The following CCNG2 variants were observed in gnomAD, a reference collection of about 807,000 sequenced individuals.
The protein encoded by CCNG2 is cyclin G2.
Under a neutral mutation model 36.5 loss-of-function variants are expected in CCNG2, and 20 were observed. That is an observed-to-expected ratio of 0.55 (90% confidence interval 0.39 to 0.80). CCNG2 has a LOEUF of 0.80. Ranked by LOEUF, CCNG2 falls within the 30% of genes least tolerant of loss-of-function variation. The probability of loss-of-function intolerance (pLI) is 0.00; values close to 1 mark genes in which losing one functional copy is unlikely to be tolerated. For synonymous variants in CCNG2, 155 were observed against 140.1 expected, an observed-to-expected ratio of 1.11 and a Z score of -0.75; for missense variants, 358 against 390.8, an observed-to-expected ratio of 0.92 and a Z score of 0.71.
intron 6 of CCNG2, 95 bp downstream of exon 6, chr4:77,161,842 C>T (rs1317336134): frequency 1.9e-5 from 14 of 725,854 alleles, no homozygotes; most frequent in Non-Finnish European, 2.7e-5. Flanking sequence ...TTATGGGACT[C>T]TTAACTTTTA....
chr4:77,158,815 A>G (rs1040080118), intron 2 of CCNG2, 145 bp downstream of exon 2: 5 of 761,118 alleles, frequency 6.6e-6, no homozygotes, highest in South Asian at 1.9e-5. Context: ...ACCTTATTAC[A>G]GGTTAATGCT....
rs568078071 is a variant in CCNG2 at position 77,164,539 on chromosome 4, A to G, written c.911+60A>G. ...GACTAAATATTACTGAGTTTATTATACTCAGAACTGGAATAGTGTAAGACA... is the reference window on the plus strand; with the variant it reads ...GACTAAATATTACTGAGTTTATTATGCTCAGAACTGGAATAGTGTAAGACA... On this transcript the variant is annotated intron_variant, in intron 7 of 7. Coordinates refer to ENST00000316355, the MANE Select transcript of CCNG2 (RefSeq NM_004354.3). 12 of 1,255,466 alleles carry G rather than the reference A, an allele frequency of 9.6e-6. No individual in the cohort carries two copies. The South Asian group carries it at 1.3e-4, about 13-fold the overall frequency. The allele number at this position is 1,255,466 out of a possible 1,614,324, so 77.8% of individuals were successfully genotyped here.
intron 1 of CCNG2, 53 bp from the exon 2 acceptor site, chr4:77,158,480 C>A (rs955114846): frequency 2.5e-6 from 4 of 1,599,436 alleles, no homozygotes; most frequent in Non-Finnish European, 3.4e-6. Context: ...TCTCCCGCTT[C>A]CCCACCCCTC....
rs535933836 is a variant in CCNG2 at position 77,158,781 on chromosome 4, G to A, written c.138+111G>A. The A allele has an allele frequency of 2.6e-5, 29 of 1,108,798 alleles. No individual in the cohort carries two copies. The South Asian group carries it at 4.4e-4, about 17-fold the overall frequency. The allele number at this position is 1,108,798 out of a possible 1,614,324, so 68.7% of individuals were successfully genotyped here. On this transcript the variant is annotated intron_variant, in intron 2 of 7. Transcript: ENST00000316355. ...AAGCCTGCAAAATTTCTTAAAAGTT[G>A]TTCTTTCTGGAGTACCAAGATAAAC... is the stretch of plus-strand genomic sequence containing the variant.
In CCNG2 at chr4:77,165,969, CAAT is replaced by C. The variant is rs754248830; in HGVS notation, c.*48_*50del. The C allele has an allele frequency of 1.9e-6, 3 of 1,553,402 alleles. No homozygotes were observed. In the African/African-American group the frequency reaches 4.1e-5, roughly 21 times the overall value. On this transcript the variant is annotated 3_prime_UTR_variant, in exon 8 of 8. Transcript: ENST00000316355. ...GAATTTATATTTACAGGTTTCAAAG[CAAT>C]AAATGGGGGAATAGGTAGTTTCCTG...
intron 4 of CCNG2, 128 bp downstream of exon 4, chr4:77,161,099 CT>C (rs34505988): frequency 0.089 from 27,246 of 304,436 alleles, 3 homozygotes; most frequent in South Asian, 0.13. Context: ...ATTGGTAAAT[CT>C]TTTTTTTTTT....
rs1406290238 is a variant in CCNG2, at chr4:77,167,487, A to T, written c.*1563A>T. The T allele has an allele frequency of 2.0e-5, 3 of 152,236 alleles. No individual in the cohort carries two copies. The highest frequency in any genetic ancestry group is 4.4e-5 in the Non-Finnish European group (3 of 68,042). The allele number at this position is 152,236 out of a possible 1,614,324, so 9.4% of individuals were successfully genotyped here. ...TTTCAGTGAGAGGCAACAGGTATTA[A>T]GTAGAACAGAATGCTCAGGTTGGCA... On this transcript the variant is annotated 3_prime_UTR_variant, in exon 8 of 8. Transcript: ENST00000316355.
At chr4:77,158,311 C>T in intron 1 of CCNG2, 1 of 559,424 alleles carries the variant, frequency 1.8e-6, no homozygotes, top group East Asian at 3.0e-5. Context: ...TTACCCAGCG[C>T]TGGCCGGCGG....
intron 6 of CCNG2, 80 bp downstream of exon 6, chr4:77,161,827 A>G (rs538054075): frequency 2.5e-6 from 2 of 813,324 alleles, no homozygotes; most frequent in East Asian, 4.9e-5. Context: ...ACATTAAGTA[A>G]TACTTTATGG....
chr4:77,162,692 G>T (rs1046156739), intron 6 of CCNG2, among the ~76,000 whole-genome samples: 2 of 151,816 alleles, frequency 1.3e-5, no homozygotes, highest in Non-Finnish European at 2.9e-5. Flanking sequence ...CTTACTTTGG[G>T]TTTTTTTTAA....
chr4:77,158,470 T>C (rs974968820), intron 1 of CCNG2, 63 bp from the exon 2 acceptor site: 2 of 1,571,348 alleles, frequency 1.3e-6, no homozygotes, highest in African/African-American at 1.3e-5. Flanking sequence ...CTCAGCCCTT[T>C]CTCCCGCTTC....
chr4:77,158,416 C>T (rs1731332831), intron 1 of CCNG2, 117 bp from the exon 2 acceptor site: 2 of 984,532 alleles, frequency 2.0e-6, no homozygotes, highest in South Asian at 2.9e-5. Context: ...TTCACCCGCT[C>T]CTTGTCGGGG....
chr4:77,158,474 C>T lies in CCNG2; in HGVS notation c.1-59C>T, dbSNP rs541668747. 2.0e-5 allele frequency: 31 copies of T among 1,589,496 alleles called. 1 individual carries two copies. The African/African-American group carries it at 3.8e-4, about 19-fold the overall frequency. ...GAGGTACTGGCCTCAGCCCTTTCTC[C>T]CGCTTCCCCACCCCTCTTACCCCCA... is the stretch of plus-strand genomic sequence containing the variant. On this transcript the variant is annotated intron_variant, in intron 1 of 7. Coordinates refer to ENST00000316355, the MANE Select transcript of CCNG2 (RefSeq NM_004354.3).
At chr4:77,161,430 C>G in intron 4 of CCNG2, 50 bp from the exon 5 acceptor site, 1 of 1,283,810 alleles carries the variant, frequency 7.8e-7, no homozygotes, top group Non-Finnish European at 1.1e-6. Flanking sequence ...CATTTAAAAT[C>G]ATTTAAATCT....
intron 6 of CCNG2, among the ~76,000 whole-genome samples, chr4:77,162,753 G>T (rs568629233): frequency 1.3e-5 from 2 of 152,174 alleles, no homozygotes; most frequent in African/African-American, 4.8e-5. Context: ...GAGCCTGTTT[G>T]GAGCAAAAGA....
At chr4:77,165,505 C>T (rs1731605087) in intron 7 of CCNG2, among the ~76,000 whole-genome samples, 1 of 150,992 alleles carries the variant, frequency 6.6e-6, no homozygotes, top group Admixed American at 6.6e-5. Flanking sequence ...TGGGATTTTG[C>T]CATGTTGCCC....
intron 4 of CCNG2, 123 bp from the exon 5 acceptor site, chr4:77,161,357 C>T (rs4150069): frequency 1.4e-6 from 1 of 701,772 alleles, no homozygotes. Flanking sequence ...CTGCTTCTGC[C>T]TTCCAAAGTG....
intron 3 of CCNG2, among the ~76,000 whole-genome samples, chr4:77,159,950 C>T (rs1486155212): frequency 1.3e-5 from 2 of 152,150 alleles, no homozygotes; most frequent in African/African-American, 4.8e-5. Context: ...TTAACAGTCA[C>T]CAGCAATGGC....
intron 3 of CCNG2, among the ~76,000 whole-genome samples, chr4:77,159,753 G>C (rs1731376588): frequency 6.6e-6 from 1 of 152,206 alleles, no homozygotes; most frequent in Non-Finnish European, 1.5e-5. Context: ...ACAAAAGAGA[G>C]ACTACTATTT....
Sources: allele counts gnomAD v4.1 joint callset (sites outside exome capture counted in the v4.1 genomes callset), GRCh38; gene constraint gnomAD v4.1.1; transcripts MANE v1.5; gene names NCBI Gene and HGNC (gene_info 2026-07-23, HGNC 2026-07-21).